BICC1: variants seen among roughly 807,000 people sequenced by gnomAD.
BICC1 encodes the protein protein bicaudal C homolog 1.
Under a neutral mutation model 111.0 loss-of-function variants are expected in BICC1, and 43 were observed. The ratio of observed to expected loss-of-function variants is 0.39; its 90% CI spans 0.30 to 0.50. The LOEUF is 0.50. BICC1 is among the 20% of genes least tolerant of loss of function. The pLI is 0.88. For synonymous variants in BICC1, 467 were observed against 434.4 expected (o/e 1.07, Z -0.93); for missense variants, 1,091 against 1,203.2 (o/e 0.91, Z 1.38).
intron 1 of BICC1, among the ~76,000 whole-genome samples, chr10:58,514,404 A>G (rs1198890402): frequency 1.3e-5 from 2 of 152,208 alleles, no homozygotes; most frequent in Non-Finnish European, 2.9e-5. Flanking sequence ...TTGTGGCTTT[A>G]TGCATAACTT....
chr10:58,593,579 C>T (rs1844707174), intron 1 of BICC1, among the ~76,000 whole-genome samples: 2 of 152,128 alleles, frequency 1.3e-5, no homozygotes. Flanking sequence ...GCAGCCTCCC[C>T]TGGTAATACC....
chr10:58,776,050 C>T lies in BICC1; in HGVS notation c.308-8951C>T, dbSNP rs140486234. Reference sequence around the variant, plus strand: ...CAAGTTGCTAAGTTATTTTTAGAATCGAATTCCTAAAAGTTTTGCTGTTTC... The same window carrying T: ...CAAGTTGCTAAGTTATTTTTAGAATTGAATTCCTAAAAGTTTTGCTGTTTC... On this transcript the variant is annotated intron_variant, in intron 3 of 20. Coordinates refer to ENST00000373886, the MANE Select transcript of BICC1 (RefSeq NM_001080512.3). 2.0e-3 allele frequency among the ~76,000 whole-genome samples: 309 copies of T among 152,254 alleles called. 1 individual carries two copies. Among genetic ancestry groups the T allele is most frequent in the African/African-American group, 7.2e-3 (301 of 41,550 alleles).
chr10:58,656,893 A>G (rs1838673123), intron 2 of BICC1, among the ~76,000 whole-genome samples: 2 of 152,174 alleles, frequency 1.3e-5, no homozygotes, highest in African/African-American at 2.4e-5. Context: ...TTATCTCGGC[A>G]TAACAGTTTA....
chr10:58,780,623 G>C (rs963129879), intron 3 of BICC1, among the ~76,000 whole-genome samples: 2 of 152,148 alleles, frequency 1.3e-5, no homozygotes, highest in Non-Finnish European at 2.9e-5. Flanking sequence ...GAAGTGGGAA[G>C]GAGGTTTAGG....
chr10:58,797,688 A>G (rs1318812266), intron 10 of BICC1, among the ~76,000 whole-genome samples: 1 of 152,158 alleles, frequency 6.6e-6, no homozygotes, highest in Non-Finnish European at 1.5e-5. Flanking sequence ...CCTGTTATAT[A>G]CTTTATGCTT....
At chr10:58,715,438 TAAAA>T in intron 3 of BICC1, 1 of 647,162 alleles carries the variant, frequency 1.5e-6, no homozygotes, top group Non-Finnish European at 2.8e-6. Flanking sequence ...TTTTTCTTCT[TAAAA>T]AATAAGCAGA....
At chr10:58,680,263 A>G (rs907479220) in intron 2 of BICC1, among the ~76,000 whole-genome samples, 2 of 152,196 alleles carry the variant, frequency 1.3e-5, no homozygotes, top group African/African-American at 2.4e-5. Context: ...ACATGCCTGT[A>G]TATGTTTGTA....
chr10:58,575,390 T>C (rs1241493598), intron 1 of BICC1, among the ~76,000 whole-genome samples: 1 of 152,122 alleles, frequency 6.6e-6, no homozygotes, highest in Non-Finnish European at 1.5e-5. Flanking sequence ...TGGTCCTAAT[T>C]GCCAGCCCTG....
Position 58,828,939 on chromosome 10 carries a change from A to C in BICC1, c.*48A>C. The stretch of plus-strand genomic sequence containing the variant: ...CGCTGACTAACTGTAAAGTGGACAC[A>C]GGAGATGTATGAACAGCCTTCACAG... On this transcript the variant is annotated 3_prime_UTR_variant, in exon 21 of 21. Transcript: ENST00000373886. 6.2e-7 allele frequency: 1 copy of C among 1,609,186 alleles called. No individual in the cohort carries two copies. The highest frequency in any genetic ancestry group is 8.5e-7 in the Non-Finnish European group (1 of 1,177,502).
Position 58,513,279 on chromosome 10 carries a change from T to C in BICC1, c.136T>C (p.Trp46Arg). ...VAGATLHSPE[W>R]SEERFRVDRK... is the part of the protein sequence containing the mutation. Reference sequence around the variant, plus strand: ...CGGGGCGACCCTGCACAGCCCGGAGTGGAGCGAGGAGCGCTTCCGCGTGGA... The same window carrying C: ...CGGGGCGACCCTGCACAGCCCGGAGCGGAGCGAGGAGCGCTTCCGCGTGGA... The change falls in exon 1 of 21, where the codon TGG becomes CGG. Residue 46 changes from tryptophan to arginine, a missense_variant. Coordinates refer to ENST00000373886, the MANE Select transcript of BICC1 (RefSeq NM_001080512.3). The C allele has an allele frequency of 6.2e-7, 1 of 1,612,462 alleles. No homozygotes were observed. The highest frequency in any genetic ancestry group is 8.5e-7 in the Non-Finnish European group (1 of 1,179,238).
chr10:58,764,662 A>G (rs1036763652), intron 3 of BICC1, among the ~76,000 whole-genome samples: 1 of 140,816 alleles, frequency 7.1e-6, no homozygotes, highest in South Asian at 2.2e-4. Flanking sequence ...TCTAGGCTTG[A>G]CATTTTCCAC....
chr10:58,758,083 A>G (rs1194125190), intron 3 of BICC1, among the ~76,000 whole-genome samples: 2 of 152,150 alleles, frequency 1.3e-5, no homozygotes, highest in Non-Finnish European at 1.5e-5. Context: ...AAAAAAATAT[A>G]TGTAGTTTTA....
intron 2 of BICC1, among the ~76,000 whole-genome samples, chr10:58,674,708 T>C (rs2132335857): frequency 6.6e-6 from 1 of 152,314 alleles, no homozygotes; most frequent in East Asian, 1.9e-4. Flanking sequence ...TTGATGTTGC[T>C]TTTATAGTTG....
chr10:58,617,481 G>T (rs1169043152), intron 1 of BICC1, among the ~76,000 whole-genome samples: 1 of 152,252 alleles, frequency 6.6e-6, no homozygotes, highest in Non-Finnish European at 1.5e-5. Context: ...TAAGGCCATG[G>T]GGCCTGAGGC....
chr10:58,560,595 C>T (rs1199193895), intron 1 of BICC1, among the ~76,000 whole-genome samples: 7 of 145,960 alleles, frequency 4.8e-5, no homozygotes, highest in African/African-American at 1.0e-4. Context: ...TTTCTTTTAC[C>T]GACTTTGGTA....
intron 3 of BICC1, among the ~76,000 whole-genome samples, chr10:58,710,996 A>G (rs1363981124): frequency 6.6e-6 from 1 of 151,942 alleles, no homozygotes; most frequent in Non-Finnish European, 1.5e-5. Context: ...CTACAGGTGC[A>G]AGCCACCATA....
chr10:58,674,223 G>A (rs1839270298), intron 2 of BICC1, among the ~76,000 whole-genome samples: 1 of 151,680 alleles, frequency 6.6e-6, no homozygotes, highest in Non-Finnish European at 1.5e-5. Context: ...CCTATTTGCT[G>A]CACCTCTGAC....
intron 2 of BICC1, among the ~76,000 whole-genome samples, chr10:58,671,002 C>G (rs746837197): frequency 1.3e-5 from 2 of 152,152 alleles, no homozygotes; most frequent in South Asian, 4.1e-4. Context: ...AAACATGGCT[C>G]TACGTGGTTT....
chr10:58,733,716 G>A (rs193081397), intron 3 of BICC1, among the ~76,000 whole-genome samples: 147 of 152,322 alleles, frequency 9.7e-4, no homozygotes, highest in African/African-American at 3.3e-3. Context: ...CTAATTGGCT[G>A]CTGCTGTTGA....
Sources: gnomAD v4.1 joint callset for allele counts (sites outside exome capture counted in the v4.1 genomes callset) on GRCh38, gnomAD v4.1.1 for gene constraint, MANE v1.5 for transcripts, NCBI Gene and HGNC (gene_info 2026-07-23, HGNC 2026-07-21) for gene names.